The following PAX2 variants were observed in gnomAD, a reference collection of about 807,000 sequenced individuals.
PAX2 encodes the protein paired box 2.
A neutral mutation model predicts 41.7 loss-of-function variants in PAX2; 9 were observed. The ratio of observed to expected loss-of-function variants is 0.22; its 90% confidence interval spans 0.13 to 0.38. The LOEUF (loss-of-function observed/expected upper bound fraction) is 0.38. Ranked by LOEUF, PAX2 falls within the 10% of genes least tolerant of loss-of-function variation. PAX2 has a pLI of 1.00. For synonymous variants in PAX2, 221 were observed against 212.7 expected (o/e 1.04, Z -0.34); for missense variants, 418 against 531.6 (o/e 0.79, Z 2.10).
At chr10:100,809,678 G>A (rs962702938) in intron 7 of PAX2, among the ~76,000 whole-genome samples, 1 of 152,234 alleles carries the variant, frequency 6.6e-6, no homozygotes, top group Non-Finnish European at 1.5e-5. Flanking sequence ...GCTCCCTCCA[G>A]GCAGCATGGG....
chr10:100,775,280 C>A (rs144318343), intron 3 of PAX2, among the ~76,000 whole-genome samples: 492 of 152,348 alleles, frequency 3.2e-3, no homozygotes, highest in Non-Finnish European at 5.0e-3. Flanking sequence ...AGGCCGTCAT[C>A]ATCAACAACT....
At chr10:100,742,842 CCT>C (rs1845014050), upstream of PAX2, among the ~76,000 whole-genome samples, 1 of 70,302 alleles carries the variant, frequency 1.4e-5, no homozygotes, top group Non-Finnish European at 2.8e-5. Context: ...CTTCTTTCTT[CCT>C]TTTTTTTTTT....
chr10:100,821,479 C>T (rs200417253), intron 7 of PAX2, among the ~76,000 whole-genome samples: 2 of 152,268 alleles, frequency 1.3e-5, no homozygotes, highest in East Asian at 3.8e-4. Context: ...CTACATGGCA[C>T]TGCCCAACTT....
At chr10:100,814,283 C>T (rs975533397) in intron 7 of PAX2, among the ~76,000 whole-genome samples, 10 of 134,236 alleles carry the variant, frequency 7.4e-5, no homozygotes, top group African/African-American at 2.9e-4. Context: ...ACCCAGAAGG[C>T]AGAGCTTGCA....
intron 3 of PAX2, among the ~76,000 whole-genome samples, chr10:100,758,210 A>G (rs1387365337): frequency 6.8e-6 from 1 of 147,028 alleles, no homozygotes; most frequent in Non-Finnish European, 1.5e-5. Context: ...GCACGATCTC[A>G]GCTCACTGCA....
At chr10:100,795,535 G>A (rs947326039) in intron 5 of PAX2, among the ~76,000 whole-genome samples, 11 of 152,346 alleles carry the variant, frequency 7.2e-5, no homozygotes, top group Admixed American at 6.5e-4. Context: ...GTGAGTGCGT[G>A]CAAGCTCTGG....
chr10:100,755,124 C>T (rs1179787195), intron 3 of PAX2, among the ~76,000 whole-genome samples: 1 of 152,230 alleles, frequency 6.6e-6, no homozygotes, highest in South Asian at 2.1e-4. Context: ...ATTGGAATAA[C>T]ATTTGAAACA....
chr10:100,744,480 G>A (rs1845076340), upstream of PAX2, among the ~76,000 whole-genome samples: 1 of 152,238 alleles, frequency 6.6e-6, no homozygotes, highest in African/African-American at 2.4e-5. Flanking sequence ...GGACCCCAGC[G>A]AGCAAGGGAG....
intron 3 of PAX2, among the ~76,000 whole-genome samples, chr10:100,752,401 G>A (rs1316358673): frequency 6.6e-6 from 1 of 152,236 alleles, no homozygotes; most frequent in Non-Finnish European, 1.5e-5. Flanking sequence ...AGGAGAGGAG[G>A]CTGGGGCAGC....
rs1306107992 is a variant in PAX2 at position 100,752,091 on chromosome 10, A to G, written c.410+1200A>G. 2.0e-5 allele frequency among the ~76,000 whole-genome samples: 3 copies of G among 152,264 alleles called. No individual in the cohort carries two copies. In the South Asian group the frequency reaches 6.2e-4, roughly 31 times the overall value. On this transcript the variant is annotated intron_variant, in intron 3 of 9. Transcript: ENST00000355243. Reference sequence around the variant, plus strand: ...AAAACAGCAGGTAAAATTAGCTGGTAGAATGTACCTTGGCTAAAGAAGATT... The same window carrying G: ...AAAACAGCAGGTAAAATTAGCTGGTGGAATGTACCTTGGCTAAAGAAGATT...
chr10:100,735,762 G>A lies in PAX2; in HGVS notation c.25+29G>A, dbSNP rs190296753. The A allele has an allele frequency of 4.6e-3, 4,775 of 1,033,810 alleles. 19 individuals carry two copies. Among genetic ancestry groups the A allele is most frequent in the Admixed American group, 5.8e-3 (102 of 17,638 alleles). 64.0% of individuals were successfully genotyped at this position (1,033,810 alleles called of 1,614,324 possible). On this transcript the variant is annotated intron_variant, in intron 1 of 9. Coordinates refer to the PAX2 transcript ENST00000679374. ...AGAGCGGCAGAGACCCGTCCGCGCC[G>A]CAGGCGAGGACTAGGGGAGAGGGAT...
intron 3 of PAX2, among the ~76,000 whole-genome samples, chr10:100,757,360 A>G (rs1239174545): frequency 2.6e-5 from 4 of 152,256 alleles, no homozygotes; most frequent in African/African-American, 9.6e-5. Context: ...GGCTAGGCTG[A>G]AGATTCCTCA....
At position 100,824,515 on chromosome 10, in the gene PAX2, G is replaced by T; in HGVS notation, c.920-133G>T. On this transcript the variant is annotated intron_variant, in intron 7 of 9. Transcript: ENST00000355243. The surrounding 1 kb of genome is among the most constrained non-coding windows in gnomAD (Gnocchi z 6.6). ...AGATGGCGCATTCAGGTGCACAGTGGCACACATACCCCTGCACGTCTGCAC... is the reference window on the plus strand; with the variant it reads ...AGATGGCGCATTCAGGTGCACAGTGTCACACATACCCCTGCACGTCTGCAC... 1.3e-6 allele frequency: 1 copy of T among 751,974 alleles called. No homozygotes were observed. The highest frequency in any genetic ancestry group is 2.4e-6 in the Non-Finnish European group (1 of 413,798). The allele number at this position is 751,974 out of a possible 1,614,324, so 46.6% of individuals were successfully genotyped here. A position where few individuals can be genotyped will look rare whatever the true frequency, so the allele number is the denominator to read the frequency against.
chr10:100,766,686 A>G (rs1846041605), intron 3 of PAX2, among the ~76,000 whole-genome samples: 1 of 152,232 alleles, frequency 6.6e-6, no homozygotes, highest in African/African-American at 2.4e-5. Flanking sequence ...TTTGTCCTGC[A>G]TCTCTAGAAT....
chr10:100,795,338 G>C (rs1265504262), intron 5 of PAX2, among the ~76,000 whole-genome samples: 1 of 152,170 alleles, frequency 6.6e-6, no homozygotes, highest in Non-Finnish European at 1.5e-5. Context: ...ATCTAGCAGG[G>C]AGGTAGACAT....
intron 7 of PAX2, among the ~76,000 whole-genome samples, chr10:100,813,074 G>C (rs765101059): frequency 4.6e-5 from 7 of 152,214 alleles, no homozygotes; most frequent in Admixed American, 6.5e-5. Flanking sequence ...GAAAGTTTAC[G>C]AATTTGCACT....
chr10:100,770,593 A>G (rs947630253), intron 3 of PAX2, among the ~76,000 whole-genome samples: 50 of 152,382 alleles, frequency 3.3e-4, no homozygotes, highest in African/African-American at 1.1e-3. Flanking sequence ...CCCATGGCCC[A>G]TCTAGCCTGG....
intron 5 of PAX2, among the ~76,000 whole-genome samples, chr10:100,805,812 G>A (rs1326005820): frequency 2.6e-5 from 4 of 152,146 alleles, no homozygotes; most frequent in East Asian, 1.9e-4. Context: ...CTGCTCTAGC[G>A]ACACCTCTTT....
At chr10:100,766,346 G>A (rs984698578) in intron 3 of PAX2, among the ~76,000 whole-genome samples, 1 of 152,216 alleles carries the variant, frequency 6.6e-6, no homozygotes, top group Non-Finnish European at 1.5e-5. Flanking sequence ...GTGTTCCTCA[G>A]TGCAGGCCAC....
Sources: gnomAD v4.1 joint callset for allele counts (sites outside exome capture counted in the v4.1 genomes callset) on GRCh38, gnomAD v4.1.1 for gene constraint, Gnocchi (gnomAD v3.1) non-coding constraint, MANE v1.5 for transcripts, NCBI Gene and HGNC (gene_info 2026-07-23, HGNC 2026-07-21) for gene names.